The following CEP112 variants were observed in gnomAD, a reference collection of about 807,000 sequenced individuals.
CEP112 encodes the protein centrosomal protein of 112 kDa.
A neutral mutation model predicts 153.0 loss-of-function variants in CEP112; 127 were observed. That is an observed-to-expected ratio of 0.83 (90% CI 0.72 to 0.96). CEP112 has a LOEUF of 0.96. Ranked by LOEUF, CEP112 falls within the 40% of genes least tolerant of loss-of-function variation. The pLI, the probability that CEP112 is intolerant of heterozygous loss-of-function variation, is 0.00. For missense variants in CEP112, 1,089 were observed against 1,101.2 expected (o/e 0.99, Z 0.16); for synonymous variants, 358 against 374.4 (o/e 0.96, Z 0.51).
intron 21 of CEP112, among the ~76,000 whole-genome samples, chr17:65,846,816 G>A (rs1359556797): frequency 6.6e-5 from 10 of 152,126 alleles, no homozygotes; most frequent in African/African-American, 1.7e-4. Flanking sequence ...TGATTCGCCC[G>A]CCTCGATTAT....
chr17:65,936,987 C>T (rs967754376), intron 18 of CEP112, among the ~76,000 whole-genome samples: 8 of 150,506 alleles, frequency 5.3e-5, no homozygotes, highest in East Asian at 2.0e-4. Flanking sequence ...GACTGGTTTT[C>T]GTATTTTTTT....
At chr17:65,794,346 C>G (rs1265039819) in intron 21 of CEP112, among the ~76,000 whole-genome samples, 1 of 152,222 alleles carries the variant, frequency 6.6e-6, no homozygotes, top group Non-Finnish European at 1.5e-5. Flanking sequence ...TCTCCTTCCA[C>G]TGGCTCATTT....
intron 24 of CEP112, among the ~76,000 whole-genome samples, chr17:65,660,689 C>T (rs899311653): frequency 4.0e-5 from 6 of 149,304 alleles, no homozygotes; most frequent in South Asian, 2.1e-4. Context: ...GGACTACAGG[C>T]GTGTACCACC....
chr17:65,735,466 C>T (rs1202077622), intron 23 of CEP112, among the ~76,000 whole-genome samples: 2 of 152,192 alleles, frequency 1.3e-5, no homozygotes, highest in African/African-American at 4.8e-5. Flanking sequence ...TTAACAAAAT[C>T]AATACAGACG....
intron 24 of CEP112, among the ~76,000 whole-genome samples, chr17:65,648,757 AAAC>A (rs1452641830): frequency 6.6e-6 from 1 of 152,178 alleles, no homozygotes; most frequent in Admixed American, 6.5e-5. Flanking sequence ...TTTATTCAAA[AAAC>A]ACCACATTGA....
chr17:66,088,988 G>A (rs1213281537), intron 8 of CEP112, among the ~76,000 whole-genome samples: 6 of 152,014 alleles, frequency 3.9e-5, no homozygotes, highest in African/African-American at 1.4e-4. Flanking sequence ...CATATTTCAG[G>A]CTTACCATGC....
intron 21 of CEP112, among the ~76,000 whole-genome samples, chr17:65,807,854 G>A (rs181054592): frequency 3.3e-4 from 50 of 152,376 alleles, no homozygotes; most frequent in African/African-American, 1.1e-3. Context: ...GTAAAGCAGT[G>A]CAGAGGGGAA....
intron 21 of CEP112, among the ~76,000 whole-genome samples, chr17:65,768,661 C>CA (rs2053150395): frequency 1.8e-5 from 2 of 112,384 alleles, no homozygotes; most frequent in African/African-American, 9.1e-5. Context: ...ACAAATCAAT[C>CA]AGTGTGATAT....
At chr17:65,998,550 G>GA (rs71361252) in intron 17 of CEP112, among the ~76,000 whole-genome samples, 2 of 151,064 alleles carry the variant, frequency 1.3e-5, no homozygotes, top group Admixed American at 6.6e-5. Context: ...TCTTTAAAAA[G>GA]AAAAAAAACT....
rs1555771642 is a variant in CEP112, at chr17:66,022,711, G to GAA, written c.1656+4788_1656+4789dup. On this transcript the variant is annotated intron_variant, in intron 16 of 26. Transcript: ENST00000535342. Reference sequence around the variant, plus strand: ...ATGACAGAACGAGACTCCGCCTCAAGAAAAAAAAAAAAAAAAAGAAATGCC... The same window carrying GAA: ...ATGACAGAACGAGACTCCGCCTCAAGAAAAAAAAAAAAAAAAAAAGAAATGCC... Among the ~76,000 whole-genome samples the GAA allele has an allele frequency of 2.1e-4, 27 of 127,030 alleles. 1 individual carries two copies. Among genetic ancestry groups the GAA allele is most frequent in the African/African-American group, 4.6e-4 (15 of 32,950 alleles). The allele number at this position is 127,030 out of a possible 152,430, so 83.3% of individuals were successfully genotyped here. A position where few individuals can be genotyped will look rare whatever the true frequency, so the allele number is the denominator to read the frequency against.
intron 6 of CEP112, among the ~76,000 whole-genome samples, chr17:66,098,903 A>G (rs1339725260): frequency 6.6e-6 from 1 of 152,216 alleles, no homozygotes; most frequent in Non-Finnish European, 1.5e-5. Context: ...AGCATGGGGA[A>G]AAAAGGAAGT....
chr17:65,740,801 A>G (rs2051087097), intron 23 of CEP112, among the ~76,000 whole-genome samples: 1 of 152,212 alleles, frequency 6.6e-6, no homozygotes, highest in Admixed American at 6.5e-5. Context: ...GAGTATCAAT[A>G]TCTATTCATG....
At chr17:65,825,440 A>G (rs1468838045) in intron 21 of CEP112, among the ~76,000 whole-genome samples, 1 of 152,150 alleles carries the variant, frequency 6.6e-6, no homozygotes, top group Non-Finnish European at 1.5e-5. Context: ...CTAACAGGCC[A>G]CAGACAGGTA....
At chr17:65,830,259 C>T (rs186469564) in intron 21 of CEP112, among the ~76,000 whole-genome samples, 134 of 152,296 alleles carry the variant, frequency 8.8e-4, no homozygotes, top group African/African-American at 3.1e-3. Flanking sequence ...TGGAGGAAAG[C>T]AGAGAAACTC....
At chr17:66,028,748 A>C (rs921833299) in intron 14 of CEP112, among the ~76,000 whole-genome samples, 1 of 151,950 alleles carries the variant, frequency 6.6e-6, no homozygotes, top group African/African-American at 2.4e-5. Flanking sequence ...GAAAACTTCA[A>C]AATTTTAATT....
At chr17:65,864,137 C>CAAAA (rs71160507) in intron 20 of CEP112, among the ~76,000 whole-genome samples, 11 of 137,164 alleles carry the variant, frequency 8.0e-5, no homozygotes, top group African/African-American at 1.2e-4. Flanking sequence ...TGAGACTCCT[C>CAAAA]AAAAAAAAAA....
chr17:65,772,197 C>T (rs1053995623), intron 21 of CEP112, among the ~76,000 whole-genome samples: 1 of 151,532 alleles, frequency 6.6e-6, no homozygotes, highest in South Asian at 2.1e-4. Context: ...ATTGAAGCAA[C>T]CTGAAAAAGA....
intron 4 of CEP112, among the ~76,000 whole-genome samples, chr17:66,146,164 C>T (rs540051885): frequency 5.0e-4 from 76 of 151,874 alleles, no homozygotes; most frequent in Middle Eastern, 3.4e-3. Context: ...TTCTCTATTT[C>T]ATGTAGGAAA....
intron 21 of CEP112, among the ~76,000 whole-genome samples, chr17:65,810,372 T>C (rs1263175694): frequency 6.6e-6 from 1 of 152,072 alleles, no homozygotes; most frequent in Non-Finnish European, 1.5e-5. Context: ...GGGCTGTGAT[T>C]GGAATATGGG....
Sources: gnomAD v4.1 joint callset for allele counts (sites outside exome capture counted in the v4.1 genomes callset) on GRCh38, gnomAD v4.1.1 for gene constraint, MANE v1.5 for transcripts, NCBI Gene and HGNC (gene_info 2026-07-23, HGNC 2026-07-21) for gene names.